PDE3B: variants seen among roughly 807,000 people sequenced by gnomAD.
PDE3B encodes phosphodiesterase 3B, also known as cGMP-inhibited 3',5'-cyclic phosphodiesterase 3B.
Under a neutral mutation model 116.8 loss-of-function variants are expected in PDE3B, and 66 were observed. The observed-to-expected ratio is 0.56, with a 90% CI of 0.46 to 0.69. The LOEUF is 0.69. Among genes scored for constraint, PDE3B ranks in the 30% least tolerant of loss-of-function variants. The pLI is 0.00. For missense variants in PDE3B, 1,384 were observed against 1,368.1 expected (o/e 1.01, Z -0.18); for synonymous variants, 595 against 533.6 (o/e 1.12, Z -1.59).
intron 2 of PDE3B, among the ~76,000 whole-genome samples, chr11:14,784,661 C>A (rs944524358): frequency 6.6e-6 from 1 of 151,980 alleles, no homozygotes; most frequent in Non-Finnish European, 1.5e-5. Context: ...AATAATAAAA[C>A]AGCAAACTTA....
At chr11:14,802,654 T>C (rs182539726) in intron 4 of PDE3B, among the ~76,000 whole-genome samples, 46 of 152,296 alleles carry the variant, frequency 3.0e-4, no homozygotes, top group Non-Finnish European at 5.9e-4. Flanking sequence ...GGTGGTACTG[T>C]TACTCTTCTT....
chr11:14,896,902 A>G, the PDE3B span, among the ~76,000 whole-genome samples: 4 of 152,262 alleles, frequency 2.6e-5, no homozygotes, highest in African/African-American at 9.6e-5. Flanking sequence ...CTAACAGTAG[A>G]TTGAATTGTT....
intron 1 of PDE3B, among the ~76,000 whole-genome samples, chr11:14,663,820 G>A (rs576305896): frequency 6.6e-6 from 1 of 152,220 alleles, no homozygotes; most frequent in African/African-American, 2.4e-5. Context: ...CAATAATAAT[G>A]GGAGACTTTA....
rs1487516132 is a variant in PDE3B, at chr11:14,869,893, G to A, written c.*233G>A. 1 of 407,488 alleles carries A rather than the reference G, an allele frequency of 2.5e-6. No homozygotes were observed. Among genetic ancestry groups the A allele is most frequent in the Non-Finnish European group, 4.4e-6 (1 of 228,246 alleles). The allele number at this position is 407,488 out of a possible 1,614,324, so 25.2% of individuals were successfully genotyped here. On this transcript the variant is annotated 3_prime_UTR_variant, in exon 16 of 16. Coordinates refer to ENST00000282096, the MANE Select transcript of PDE3B (RefSeq NM_000922.4). The stretch of plus-strand genomic sequence containing the variant: ...AAAAATACCATCCGTGTTGACCCAT[G>A]TTGCAGAGCCCTTACTTAAATCCTT...
chr11:14,858,751 C>T (rs969003615), intron 12 of PDE3B, among the ~76,000 whole-genome samples: 2 of 152,212 alleles, frequency 1.3e-5, no homozygotes, highest in East Asian at 3.8e-4. Flanking sequence ...ATCAACTTTA[C>T]ATCTCTTGGG....
At chr11:14,782,097 G>T (rs371938046) in intron 2 of PDE3B, among the ~76,000 whole-genome samples, 1 of 152,146 alleles carries the variant, frequency 6.6e-6, no homozygotes, top group Non-Finnish European at 1.5e-5. Context: ...AATCCAACTT[G>T]TGAGGGATGT....
chr11:14,850,947 G>A (rs1847735614), intron 12 of PDE3B, among the ~76,000 whole-genome samples: 1 of 149,638 alleles, frequency 6.7e-6, no homozygotes, highest in Non-Finnish European at 1.5e-5. Flanking sequence ...TCCTGCCTCA[G>A]TCTTTGGAGT....
At chr11:14,728,744 A>G (rs1050832610) in intron 1 of PDE3B, among the ~76,000 whole-genome samples, 1 of 152,090 alleles carries the variant, frequency 6.6e-6, no homozygotes, top group Non-Finnish European at 1.5e-5. Flanking sequence ...AGAATTCTTG[A>G]TAGAATTATG....
At chr11:14,743,078 G>C (rs944724083) in intron 1 of PDE3B, among the ~76,000 whole-genome samples, 1 of 152,216 alleles carries the variant, frequency 6.6e-6, no homozygotes, top group African/African-American at 2.4e-5. Context: ...CTGTCCCTTA[G>C]CAGAGCTTGA....
intron 1 of PDE3B, among the ~76,000 whole-genome samples, chr11:14,651,654 T>C (rs957770364): frequency 2.0e-5 from 3 of 152,204 alleles, no homozygotes; most frequent in Non-Finnish European, 4.4e-5. Context: ...GATTGTAATC[T>C]GCATTTTTCT....
intron 1 of PDE3B, among the ~76,000 whole-genome samples, chr11:14,678,716 A>T (rs1333438742): frequency 6.6e-6 from 1 of 152,128 alleles, no homozygotes; most frequent in Non-Finnish European, 1.5e-5. Context: ...TTGTTTCTTC[A>T]TTCTATGAAC....
chr11:14,800,004 A>G (rs1326566514), intron 4 of PDE3B, among the ~76,000 whole-genome samples: 1 of 152,006 alleles, frequency 6.6e-6, no homozygotes, highest in Admixed American at 6.6e-5. Context: ...CCTTTAGTTG[A>G]TGCAGTTTCT....
intron 1 of PDE3B, chr11:14,700,757 C>T (rs934487167): frequency 1.3e-5 from 2 of 151,708 alleles, no homozygotes; most frequent in African/African-American, 2.4e-5. Flanking sequence ...GATATCATTG[C>T]TTTCCTTTTC....
In PDE3B at chr11:14,673,811, A is replaced by G. The variant is rs61883636; in HGVS notation, c.978+28758A>G. ...CCTGGGACATGGGTGCCTTGGGGTG[A>G]TCTGCAAGAATTTCGGCATACTGTG... is the stretch of plus-strand genomic sequence containing the variant. On this transcript the variant is annotated intron_variant, in intron 1 of 15. Transcript: ENST00000282096. 5,253 of 902,086 alleles carry G rather than the reference A, an allele frequency of 5.8e-3. 29 individuals carry two copies. Among genetic ancestry groups the G allele is most frequent in the Non-Finnish European group, 7.4e-3 (3,912 of 530,926 alleles). 55.9% of individuals were successfully genotyped at this position (902,086 alleles called of 1,614,324 possible). A position where few individuals can be genotyped will look rare whatever the true frequency, so the allele number is the denominator to read the frequency against.
At chr11:14,679,359 G>C (rs1854628892) in intron 1 of PDE3B, among the ~76,000 whole-genome samples, 1 of 151,996 alleles carries the variant, frequency 6.6e-6, no homozygotes. Flanking sequence ...CTCCCACTCT[G>C]TGGAGTGTAC....
intron 5 of PDE3B, among the ~76,000 whole-genome samples, chr11:14,807,567 C>T (rs997462567): frequency 7.9e-5 from 12 of 151,968 alleles, no homozygotes; most frequent in African/African-American, 9.6e-5. Context: ...TCAAAAGAAT[C>T]TGAGAAAAGA....
chr11:14,797,239 G>C (rs1325496402), intron 4 of PDE3B, among the ~76,000 whole-genome samples: 1 of 152,154 alleles, frequency 6.6e-6, no homozygotes, highest in Non-Finnish European at 1.5e-5. Flanking sequence ...TTTGGTACCA[G>C]TACCAGAGGA....
chr11:14,843,984 A>G lies in PDE3B; in HGVS notation c.2478A>G (p.Pro826=), dbSNP rs1847530636. 6.2e-7 allele frequency: 1 copy of G among 1,614,154 alleles called. No homozygotes were observed. Residue 826 remains proline (P), a synonymous_variant, in exon 12 of 16, where the codon CCA becomes CCG. Transcript: ENST00000282096. ...VAAAMHDYDH[P]GRTNAFLVAT... ...CTGCCATGCATGATTATGATCACCC[A>G]GGGAGGACAAATGCATTTCTAGTGG...
intron 1 of PDE3B, among the ~76,000 whole-genome samples, chr11:14,686,110 T>A (rs1044107685): frequency 1.3e-5 from 2 of 152,260 alleles, no homozygotes; most frequent in African/African-American, 2.4e-5. Flanking sequence ...TCTAAGTTTT[T>A]ACCTAACTTC....
Sources: gnomAD v4.1 joint callset for allele counts (sites outside exome capture counted in the v4.1 genomes callset) on GRCh38, gnomAD v4.1.1 for gene constraint, MANE v1.5 for transcripts, NCBI Gene and HGNC (gene_info 2026-07-23, HGNC 2026-07-21) for gene names.